The following ABCA4 variants were observed in gnomAD, a reference collection of about 807,000 sequenced individuals.
ABCA4 encodes the protein ATP binding cassette subfamily A member 4, also known as retinal-specific phospholipid-transporting ATPase ABCA4.
In ABCA4, 196 loss-of-function variants were observed where a neutral mutation model predicts 263.7. That is an observed-to-expected ratio of 0.74 (90% CI 0.66 to 0.84). The LOEUF (loss-of-function observed/expected upper bound fraction) is 0.84. Among genes scored for constraint, ABCA4 ranks in the 40% least tolerant of loss-of-function variants. ABCA4 has a pLI of 0.00. For synonymous variants in ABCA4, 1,133 were observed against 1,094.2 expected, an observed-to-expected ratio of 1.04 and a Z score of -0.70; for missense variants, 2,792 against 2,855.1, an observed-to-expected ratio of 0.98 and a Z score of 0.50.
intron 6 of ABCA4, among the ~76,000 whole-genome samples, chr1:94,096,660 A>G (rs1208843476): frequency 1.3e-5 from 2 of 152,250 alleles, no homozygotes; most frequent in African/African-American, 2.4e-5. Flanking sequence ...TTTGGAAGCC[A>G]GTGTCCTGAG....
At chr1:94,056,358 G>T (rs879485629) in intron 15 of ABCA4, among the ~76,000 whole-genome samples, 1 of 152,158 alleles carries the variant, frequency 6.6e-6, no homozygotes, top group Non-Finnish European at 1.5e-5. Flanking sequence ...GAGTTGAACT[G>T]GTTTTTTAAT....
At chr1:94,000,551 G>A (rs1282672062) in intron 47 of ABCA4, among the ~76,000 whole-genome samples, 1 of 152,170 alleles carries the variant, frequency 6.6e-6, no homozygotes, top group Admixed American at 6.5e-5. Context: ...GGCAGTGGTA[G>A]CAGCCCTCCC....
At chr1:94,023,460 C>G (rs771156944) in intron 31 of ABCA4, 42 bp from the exon 32 acceptor site, 1 of 1,497,584 alleles carries the variant, frequency 6.7e-7, no homozygotes, top group African/African-American at 1.4e-5. Flanking sequence ...ACCACAAGTA[C>G]AGCAGTGCCG....
intron 17 of ABCA4, 97 bp downstream of exon 17, chr1:94,051,536 G>T (rs369693059): frequency 2.6e-6 from 3 of 1,134,522 alleles, no homozygotes; most frequent in Non-Finnish European, 4.0e-6. Context: ...GAATCACACC[G>T]TTTACATAGA....
At chr1:94,084,915 G>A (rs547232049) in intron 6 of ABCA4, among the ~76,000 whole-genome samples, 6 of 152,270 alleles carry the variant, frequency 3.9e-5, no homozygotes, top group East Asian at 1.9e-4. Context: ...ACTGTGTGTC[G>A]ATAAGCAAGT....
intron 27 of ABCA4, 125 bp from the exon 28 acceptor site, chr1:94,031,245 AGGGTTG>A: frequency 7.5e-7 from 1 of 1,334,778 alleles, no homozygotes; most frequent in Non-Finnish European, 1.0e-6. Context: ...CCTGGTGGAG[AGGGTTG>A]GGCTTCTGGG....
intron 23 of ABCA4, among the ~76,000 whole-genome samples, chr1:94,040,889 AC>A (rs1157932592): frequency 2.0e-5 from 3 of 152,156 alleles, no homozygotes; most frequent in African/African-American, 7.2e-5. Flanking sequence ...ATGAAGCTCA[AC>A]CAATTGCTCT....
intron 36 of ABCA4, among the ~76,000 whole-genome samples, chr1:94,016,860 G>T (rs1659762148): frequency 6.6e-6 from 1 of 152,104 alleles, no homozygotes; most frequent in Admixed American, 6.5e-5. Flanking sequence ...CTTCCCACTG[G>T]CAGGAACCAG....
intron 6 of ABCA4, among the ~76,000 whole-genome samples, chr1:94,086,081 G>A (rs1661818624): frequency 6.6e-6 from 1 of 152,198 alleles, no homozygotes; most frequent in African/African-American, 2.4e-5. Flanking sequence ...CATGTAGACA[G>A]AAATCATACT....
chr1:94,107,068 A>C (rs1373028860), intron 4 of ABCA4, among the ~76,000 whole-genome samples: 1 of 152,144 alleles, frequency 6.6e-6, no homozygotes. Context: ...CCCGGGGCTG[A>C]TTTCAACCAT....
At chr1:94,117,614 T>C (rs759839473) in intron 1 of ABCA4, among the ~76,000 whole-genome samples, 13 of 152,116 alleles carry the variant, frequency 8.5e-5, no homozygotes, top group Admixed American at 5.9e-4. Context: ...ACTTGTCTTG[T>C]GCAGTGGAGA....
rs4147813 is a variant in ABCA4 at position 94,109,375 on chromosome 1, C to T, written c.303-659G>A. 6.6e-5 allele frequency among the ~76,000 whole-genome samples: 10 copies of T among 152,266 alleles called. No homozygotes were observed. In the East Asian group the frequency reaches 1.4e-3, roughly 21 times the overall value. ...TGAGACCTGCCCTTCCACCCATTCACGCAGGTAGGCTCTGACAGCCATGCT... is the reference window on the plus strand; with the variant it reads ...TGAGACCTGCCCTTCCACCCATTCATGCAGGTAGGCTCTGACAGCCATGCT... On this transcript the variant is annotated intron_variant, in intron 3 of 49. Transcript: ENST00000370225.
chr1:94,010,636 A>T (rs1438285084), intron 40 of ABCA4, 164 bp downstream of exon 40: 3 of 1,001,104 alleles, frequency 3.0e-6, no homozygotes, highest in South Asian at 1.4e-5. Flanking sequence ...TGCCTATTTT[A>T]ACCCGATCCT....
intron 2 of ABCA4, 57 bp downstream of exon 2, chr1:94,112,915 CA>C: frequency 7.3e-7 from 1 of 1,377,708 alleles, no homozygotes; most frequent in Non-Finnish European, 1.0e-6. Flanking sequence ...TCTTTCTAGA[CA>C]AAAGGCCCAG....
At position 94,051,714 on chromosome 1, in the gene ABCA4, A is replaced by C. The variant is rs762781579; in HGVS notation, c.2588-16T>G. The C allele has an allele frequency of 6.2e-7, 1 of 1,602,048 alleles. No homozygotes were observed. Among genetic ancestry groups the C allele is most frequent in the South Asian group, 1.1e-5 (1 of 90,760 alleles). ...CCATAGTCTCCTAAAAATAGAGACA[A>C]ATAAACAGAGAAAGTCGAAGGAGTC... On this transcript the variant is annotated splice_polypyrimidine_tract_variant and intron_variant, in intron 16 of 49. Coordinates refer to ENST00000370225, the MANE Select transcript of ABCA4 (RefSeq NM_000350.3).
At chr1:94,060,057 G>C (rs1284378480) in intron 14 of ABCA4, among the ~76,000 whole-genome samples, 2 of 152,162 alleles carry the variant, frequency 1.3e-5, no homozygotes, top group Non-Finnish European at 2.9e-5. Flanking sequence ...TGTAGGAGGT[G>C]ACCATGATGA....
At chr1:94,057,945 T>A (rs1352489870) in intron 14 of ABCA4, among the ~76,000 whole-genome samples, 1 of 152,180 alleles carries the variant, frequency 6.6e-6, no homozygotes, top group Non-Finnish European at 1.5e-5. Context: ...CTAAATGAGT[T>A]CTGATCAGTT....
At chr1:94,052,351 C>A (rs923019181) in intron 16 of ABCA4, among the ~76,000 whole-genome samples, 4 of 152,188 alleles carry the variant, frequency 2.6e-5, no homozygotes, top group African/African-American at 9.7e-5. Context: ...AAGTTCTGCT[C>A]CCTACAAAAT....
At chr1:94,041,481 T>G in intron 22 of ABCA4, 79 bp from the exon 23 acceptor site, 3 of 1,516,734 alleles carry the variant, frequency 2.0e-6, no homozygotes, top group Non-Finnish European at 2.7e-6. Context: ...AGCAATTTCC[T>G]GGCTATATAG....
Sources: gnomAD v4.1 joint callset for allele counts (sites outside exome capture counted in the v4.1 genomes callset) on GRCh38, gnomAD v4.1.1 for gene constraint, MANE v1.5 for transcripts, NCBI Gene and HGNC (gene_info 2026-07-23, HGNC 2026-07-21) for gene names.